SPATA1: variants seen among roughly 807,000 people sequenced by gnomAD.
SPATA1 encodes spermatogenesis-associated protein 1.
SPATA1 carries 57 observed loss-of-function variants against 59.6 expected under a neutral mutation model. That is an observed-to-expected ratio of 0.96 (90% confidence interval 0.77 to 1.19). SPATA1 has a LOEUF of 1.19. SPATA1 is among the 50% of genes most tolerant of loss of function. The pLI is 0.00. For missense variants in SPATA1, 448 were observed against 480.7 expected, an observed-to-expected ratio of 0.93 and a Z score of 0.64; for synonymous variants, 147 against 163.9, an observed-to-expected ratio of 0.90 and a Z score of 0.79.
chr1:84,544,931 G>T (rs868331271), intron 9 of SPATA1, among the ~76,000 whole-genome samples: 115 of 151,248 alleles, frequency 7.6e-4, no homozygotes, highest in African/African-American at 2.7e-3. Flanking sequence ...ATATATTCTG[G>T]CCAAGCATGG....
At position 84,548,922 on chromosome 1, in the gene SPATA1, CAAGAT is replaced by C. The variant is rs1684185108; in HGVS notation, c.1084_1088del (p.Lys362GlufsTer21). 1 of 1,603,092 alleles carries C rather than the reference CAAGAT, an allele frequency of 6.2e-7. No individual in the cohort carries two copies. On this transcript the variant is annotated frameshift_variant, in exon 11 of 13. Coordinates refer to ENST00000490879, the Ensembl canonical transcript of SPATA1. LOFTEE classifies it high-confidence loss of function. ...TCATGCAACTTGAAGCCAGGGAGAT[CAAGAT>C]GAGACCAAAGAATCTGGCAAACATC...
downstream of SPATA1, among the ~76,000 whole-genome samples, chr1:84,556,632 A>G (rs1558622556): frequency 6.6e-6 from 1 of 150,608 alleles, no homozygotes; most frequent in Non-Finnish European, 1.5e-5. Context: ...GAATTGCTTG[A>G]ACCCAGGAGA....
At chr1:84,520,520 A>T in intron 2 of SPATA1, 65 bp from the exon 3 acceptor site, 1 of 872,196 alleles carries the variant, frequency 1.1e-6, no homozygotes, top group Non-Finnish European at 1.6e-6. Context: ...ATTCTATAGG[A>T]CATCAATTGA....
chr1:84,508,359 ATGAAC>A (rs1202125278), intron 1 of SPATA1, among the ~76,000 whole-genome samples: 1 of 151,950 alleles, frequency 6.6e-6, no homozygotes, highest in East Asian at 1.9e-4. Context: ...AATATAGTTT[ATGAAC>A]TATCTGTATC....
At chr1:84,554,270 T>C (rs1337592290) in exon 13 of SPATA1, 1 of 152,228 alleles carries the variant, frequency 6.6e-6, no homozygotes, top group Admixed American at 6.5e-5. Flanking sequence ...CTGCAAGTTA[T>C]TCCTATTATT....
intron 6 of SPATA1, among the ~76,000 whole-genome samples, chr1:84,526,952 CA>C (rs1683251866): frequency 6.9e-6 from 1 of 144,648 alleles, no homozygotes; most frequent in Non-Finnish European, 1.5e-5. Flanking sequence ...AAGCTAACTA[CA>C]GTCTAAGAAT....
intron 10 of SPATA1, among the ~76,000 whole-genome samples, chr1:84,546,269 C>T (rs772929613): frequency 2.0e-5 from 3 of 152,120 alleles, no homozygotes; most frequent in Non-Finnish European, 4.4e-5. Flanking sequence ...GCCTGGCCAA[C>T]ATGGCGAAAC....
In SPATA1 at chr1:84,564,581, C is replaced by T. The variant is rs528141282; in HGVS notation, n.443-1280C>T. On this transcript the variant is annotated intron_variant and non_coding_transcript_variant, in intron 4 of 4. Transcript: ENST00000460286. ...TATGATACAAAGTATCCCTATGTTG[C>T]TCAGGCTGGCTTGAACTTCGGCCTC... Among the ~76,000 whole-genome samples the T allele has an allele frequency of 3.8e-4, 58 of 152,282 alleles. 2 individuals carry two copies. The South Asian group carries it at 0.012, about 31-fold the overall frequency.
intron 12 of SPATA1, chr1:84,552,286 C>T (rs926744011): frequency 6.6e-6 from 1 of 152,214 alleles, no homozygotes; most frequent in South Asian, 2.1e-4. Flanking sequence ...ATCTGAGGAT[C>T]CTGTTTAAAA....
chr1:84,518,852 T>C (rs912913267), intron 2 of SPATA1, among the ~76,000 whole-genome samples: 4 of 152,064 alleles, frequency 2.6e-5, no homozygotes, highest in African/African-American at 9.7e-5. Context: ...ATCCCATATC[T>C]TCCCATTCTT....
chr1:84,550,961 G>A (rs1361075178), intron 12 of SPATA1: 2 of 981,930 alleles, frequency 2.0e-6, no homozygotes. Context: ...TATGAATAAT[G>A]TGTCTTCTAC....
chr1:84,515,437 C>T (rs1049707040), intron 1 of SPATA1, among the ~76,000 whole-genome samples: 1 of 149,672 alleles, frequency 6.7e-6, no homozygotes, highest in African/African-American at 2.5e-5. Context: ...AGTTCCAGAT[C>T]AGAGGAATTT....
intron 10 of SPATA1, among the ~76,000 whole-genome samples, chr1:84,547,572 G>C (rs1162607239): frequency 6.6e-6 from 1 of 152,130 alleles, no homozygotes; most frequent in African/African-American, 2.4e-5. Flanking sequence ...TGATGAGGCA[G>C]GGAAGAGATG....
At chr1:84,564,660 A>T (rs1684657937) in intron 4 of SPATA1, among the ~76,000 whole-genome samples, 1 of 152,206 alleles carries the variant, frequency 6.6e-6, no homozygotes, top group African/African-American at 2.4e-5. Context: ...TTGATAGAAC[A>T]TAATTATAAT....
intron 6 of SPATA1, among the ~76,000 whole-genome samples, chr1:84,529,289 T>A (rs1172033709): frequency 6.6e-6 from 1 of 151,988 alleles, no homozygotes; most frequent in Non-Finnish European, 1.5e-5. Context: ...AGAAATCCAG[T>A]TTTTAAAAAT....
At chr1:84,545,810 C>T (rs1684066895) in intron 10 of SPATA1, 51 bp downstream of exon 10, 2 of 1,250,142 alleles carry the variant, frequency 1.6e-6, no homozygotes, top group Non-Finnish European at 1.0e-6. Context: ...TTAAGTTTTA[C>T]AGAATTGATC....
intron 3 of SPATA1, among the ~76,000 whole-genome samples, chr1:84,521,148 AGG>A (rs1489550846): frequency 3.8e-4 from 53 of 140,510 alleles, no homozygotes; most frequent in African/African-American, 1.3e-3. Flanking sequence ...AAAAAGAAAG[AGG>A]GAGAGAGAAG....
chr1:84,536,505 G>A (rs563125055), intron 8 of SPATA1, among the ~76,000 whole-genome samples: 3 of 152,244 alleles, frequency 2.0e-5, no homozygotes, highest in South Asian at 4.1e-4. Context: ...GTGCAGTGGC[G>A]CTATGTCCGC....
intron 10 of SPATA1, among the ~76,000 whole-genome samples, chr1:84,547,442 G>C (rs915059007): frequency 6.6e-6 from 1 of 152,196 alleles, no homozygotes; most frequent in Non-Finnish European, 1.5e-5. Flanking sequence ...GAACAAGACA[G>C]ACATGGCCAT....
Sources: allele counts gnomAD v4.1 joint callset (sites outside exome capture counted in the v4.1 genomes callset), GRCh38; gene constraint gnomAD v4.1.1; transcripts MANE v1.5; gene names NCBI Gene and HGNC (gene_info 2026-07-23, HGNC 2026-07-21).